MAP3K19: variants seen among roughly 807,000 people sequenced by gnomAD.
MAP3K19 encodes mitogen-activated protein kinase kinase kinase 19.
A neutral mutation model predicts 114.4 loss-of-function variants in MAP3K19; 91 were observed. The observed-to-expected ratio is 0.80, with a 90% CI of 0.67 to 0.95. The LOEUF is 0.95. MAP3K19 is among the 40% of genes least tolerant of loss of function. The pLI is 0.00. For missense variants in MAP3K19, 1,471 were observed against 1,573.2 expected, an observed-to-expected ratio of 0.94 and a Z score of 1.10; for synonymous variants, 518 against 530.5, an observed-to-expected ratio of 0.98 and a Z score of 0.32.
At chr2:135,014,979 G>T (rs1318081369) in intron 5 of MAP3K19, among the ~76,000 whole-genome samples, 4 of 152,014 alleles carry the variant, frequency 2.6e-5, no homozygotes, top group African/African-American at 9.7e-5. Flanking sequence ...TCCATTTGGG[G>T]GCTATTATAA....
intron 5 of MAP3K19, among the ~76,000 whole-genome samples, chr2:135,018,896 C>T (rs1207501051): frequency 6.6e-6 from 1 of 152,056 alleles, no homozygotes; most frequent in Non-Finnish European, 1.5e-5. Context: ...ACTAGCCTGG[C>T]CAACATGGTG....
chr2:135,037,826 C>T (rs10167884), intron 2 of MAP3K19, among the ~76,000 whole-genome samples: 40,316 of 152,014 alleles, frequency 0.27, 7,204 homozygotes, highest in African/African-American at 0.48. Flanking sequence ...TGGTCCTCTT[C>T]CTATCACTCA....
At chr2:135,000,077 G>T in intron 6 of MAP3K19, 62 bp from the exon 7 acceptor site, 1 of 1,101,598 alleles carries the variant, frequency 9.1e-7, no homozygotes, top group Non-Finnish European at 1.4e-6. Context: ...GAAAGCGGGA[G>T]ACGTACTTTA....
chr2:135,037,206 C>T (rs968979295), intron 2 of MAP3K19, among the ~76,000 whole-genome samples: 2 of 152,160 alleles, frequency 1.3e-5, no homozygotes, highest in Non-Finnish European at 2.9e-5. Flanking sequence ...CCATGTTGGC[C>T]AGGTTGGTCT....
intron 2 of MAP3K19, among the ~76,000 whole-genome samples, chr2:135,039,240 G>T (rs1049782956): frequency 2.0e-5 from 3 of 151,590 alleles, no homozygotes; most frequent in African/African-American, 7.3e-5. Context: ...GAGGCTAATT[G>T]AGGAAGCAAA....
chr2:135,003,568 G>A (rs1181279931), intron 6 of MAP3K19, among the ~76,000 whole-genome samples: 4 of 149,506 alleles, frequency 2.7e-5, no homozygotes, highest in Admixed American at 2.0e-4. Context: ...TTGTTTGTTT[G>A]TTTTGAGACG....
chr2:135,018,077 A>G (rs1430118489), intron 5 of MAP3K19, among the ~76,000 whole-genome samples: 1 of 152,172 alleles, frequency 6.6e-6, no homozygotes, highest in African/African-American at 2.4e-5. Context: ...AGATCACCTC[A>G]GGTCGAGAGT....
chr2:134,995,153 G>T (rs765268879), intron 8 of MAP3K19, among the ~76,000 whole-genome samples: 4 of 151,786 alleles, frequency 2.6e-5, no homozygotes, highest in Admixed American at 1.3e-4. Context: ...CGCTACCAAA[G>T]AAATTTTTTT....
Position 135,005,573 on chromosome 2 carries a change from G to A in MAP3K19, c.139-42C>T, listed in dbSNP as rs372139652. 1.9e-4 allele frequency: 280 copies of A among 1,468,552 alleles called. 1 individual carries two copies. Among genetic ancestry groups the A allele is most frequent in the Non-Finnish European group, 3.9e-5 (41 of 1,050,298 alleles). 91.0% of individuals were successfully genotyped at this position (1,468,552 alleles called of 1,614,324 possible). A position where few individuals can be genotyped will look rare whatever the true frequency, so the allele number is the denominator to read the frequency against. On this transcript the variant is annotated intron_variant, in intron 5 of 12. Transcript: ENST00000392915. The stretch of plus-strand genomic sequence containing the variant: ...TTCAAAACTCAGTTATTAGTTATTC[G>A]ATGTACCAGTTTGTTGGCAGAGTGA...
intron 6 of MAP3K19, among the ~76,000 whole-genome samples, chr2:135,004,424 C>A (rs1686665501): frequency 6.6e-6 from 1 of 152,156 alleles, no homozygotes; most frequent in Non-Finnish European, 1.5e-5. Context: ...CAGGCGGCTG[C>A]CCAGGAGAGG....
intron 1 of MAP3K19, among the ~76,000 whole-genome samples, chr2:135,041,962 T>C (rs1219326955): frequency 6.6e-6 from 1 of 152,164 alleles, no homozygotes; most frequent in African/African-American, 2.4e-5. Context: ...CTAGAAATAG[T>C]ACTCTAGAAC....
At chr2:134,978,241 C>T (rs184977198) in intron 12 of MAP3K19, among the ~76,000 whole-genome samples, 319 of 151,084 alleles carry the variant, frequency 2.1e-3, no homozygotes, top group African/African-American at 7.4e-3. Context: ...GGCTGGAGTG[C>T]AGTGGTGCCA....
intron 5 of MAP3K19, among the ~76,000 whole-genome samples, chr2:135,006,728 T>C (rs1265352681): frequency 6.6e-6 from 1 of 151,884 alleles, no homozygotes; most frequent in African/African-American, 2.4e-5. Flanking sequence ...GAGGATGGCT[T>C]GAACCCGGGA....
At chr2:135,022,383 A>G (rs1688040870) in intron 4 of MAP3K19, among the ~76,000 whole-genome samples, 1 of 152,196 alleles carries the variant, frequency 6.6e-6, no homozygotes, top group Non-Finnish European at 1.5e-5. Flanking sequence ...CAGAGGAAGG[A>G]CATCTGTCTT....
At chr2:135,037,014 T>A (rs896157297) in intron 2 of MAP3K19, among the ~76,000 whole-genome samples, 3 of 145,666 alleles carry the variant, frequency 2.1e-5, no homozygotes, top group Admixed American at 6.9e-5. Context: ...TTTTTTTTTT[T>A]AAGACAGAAT....
At chr2:134,967,924 T>A (rs553266780) in intron 12 of MAP3K19, among the ~76,000 whole-genome samples, 2 of 151,430 alleles carry the variant, frequency 1.3e-5, no homozygotes, top group South Asian at 2.1e-4. Flanking sequence ...TTTGGCAGGG[T>A]CATAGGACAA....
At chr2:134,988,521 G>A (rs143719348) in intron 9 of MAP3K19, among the ~76,000 whole-genome samples, 3 of 152,068 alleles carry the variant, frequency 2.0e-5, no homozygotes, top group Non-Finnish European at 4.4e-5. Context: ...CTCCCAAGTA[G>A]CTGGGACTGC....
chr2:134,978,478 G>A (rs1295898364), intron 12 of MAP3K19, among the ~76,000 whole-genome samples: 3 of 152,240 alleles, frequency 2.0e-5, no homozygotes, highest in East Asian at 3.9e-4. Flanking sequence ...TGGGATTACA[G>A]GCATGAGCCA....
chr2:135,022,822 A>C (rs1688072576), intron 4 of MAP3K19, among the ~76,000 whole-genome samples: 1 of 152,198 alleles, frequency 6.6e-6, no homozygotes, highest in African/African-American at 2.4e-5. Context: ...TGAAACCCTA[A>C]TGATAAGCTG....
Sources: allele counts gnomAD v4.1 joint callset (sites outside exome capture counted in the v4.1 genomes callset), GRCh38; gene constraint gnomAD v4.1.1; transcripts MANE v1.5; gene names NCBI Gene and HGNC (gene_info 2026-07-23, HGNC 2026-07-21).